The following MOB3B variants were observed in gnomAD, a reference collection of about 807,000 sequenced individuals.
The protein encoded by MOB3B is MOB kinase activator 3B.
MOB3B carries 7 observed loss-of-function variants against 18.7 expected under a neutral mutation model. That is an observed-to-expected ratio of 0.37 (90% CI 0.21 to 0.70). The LOEUF (loss-of-function observed/expected upper bound fraction) is 0.70, where lower values mean the gene tolerates loss of function less well. Among genes scored for constraint, MOB3B ranks in the 30% least tolerant of loss-of-function variants. The pLI is 0.52. For missense variants in MOB3B, 253 were observed against 281.3 expected, an observed-to-expected ratio of 0.90 and a Z score of 0.72; for synonymous variants, 111 against 99.9, an observed-to-expected ratio of 1.11 and a Z score of -0.66.
chr9:27,437,409 T>C (rs1268058626), intron 2 of MOB3B, among the ~76,000 whole-genome samples: 1 of 152,192 alleles, frequency 6.6e-6, no homozygotes, highest in African/African-American at 2.4e-5. Flanking sequence ...TTCGTCCTTT[T>C]TGGTAATTTT....
chr9:27,508,660 T>C (rs1201740771), intron 1 of MOB3B, among the ~76,000 whole-genome samples: 1 of 152,140 alleles, frequency 6.6e-6, no homozygotes, highest in African/African-American at 2.4e-5. Flanking sequence ...ATACCCCTAA[T>C]AAATGCAAGT....
In MOB3B at chr9:27,408,459, C is replaced by T. The variant is rs138686386; in HGVS notation, c.418+46674G>A. Among the ~76,000 whole-genome samples, 931 of 152,300 alleles carry T rather than the reference C, an allele frequency of 6.1e-3. 3 individuals carry two copies. The highest frequency in any genetic ancestry group is 9.5e-3 in the Non-Finnish European group (646 of 68,026). On this transcript the variant is annotated intron_variant, in intron 2 of 3. Transcript: ENST00000262244. ...CCAACATGTGAGCAAAGGGGGAAAT[C>T]CATAACTTTGACTTCCTTCAGTTGG...
At chr9:27,427,174 T>G (rs1822346599) in intron 2 of MOB3B, among the ~76,000 whole-genome samples, 1 of 152,176 alleles carries the variant, frequency 6.6e-6, no homozygotes, top group Non-Finnish European at 1.5e-5. Flanking sequence ...CCTAAAGCAG[T>G]GCTAGTTCCA....
intron 1 of MOB3B, among the ~76,000 whole-genome samples, chr9:27,528,328 G>C (rs1014990354): frequency 2.6e-4 from 40 of 152,238 alleles, no homozygotes; most frequent in Admixed American, 2.6e-3. Context: ...CCTTTGGCTA[G>C]AGATTGAAAT....
chr9:27,361,276 A>G (rs528220708), intron 2 of MOB3B, among the ~76,000 whole-genome samples: 1 of 152,322 alleles, frequency 6.6e-6, no homozygotes, highest in East Asian at 1.9e-4. Context: ...GCCTGACTCT[A>G]AAATCCAAAA....
intron 1 of MOB3B, among the ~76,000 whole-genome samples, chr9:27,508,876 C>G (rs1050268036): frequency 6.6e-6 from 1 of 152,114 alleles, no homozygotes; most frequent in Non-Finnish European, 1.5e-5. Flanking sequence ...TAGAATAGAA[C>G]CAAGGTCTCC....
In MOB3B at chr9:27,325,685, G is replaced by C; in HGVS notation, c.*4902C>G. The C allele has an allele frequency of 6.6e-6, 1 of 152,164 alleles. No homozygotes were observed. The highest frequency in any genetic ancestry group is 6.5e-5 in the Admixed American group (1 of 15,278). The allele number at this position is 152,164 out of a possible 1,614,324, so 9.4% of individuals were successfully genotyped here. ...ATTTCTTCAAGGTCCAAAATGATCA[G>C]AACAAGAATGACAACAGTGTCAACC... is the stretch of plus-strand genomic sequence containing the variant. On this transcript the variant is annotated 3_prime_UTR_variant, in exon 4 of 4. Transcript: ENST00000262244.
At chr9:27,491,208 G>A (rs921926678) in intron 1 of MOB3B, among the ~76,000 whole-genome samples, 14 of 152,146 alleles carry the variant, frequency 9.2e-5, no homozygotes, top group African/African-American at 3.1e-4. Context: ...TTCATTTGAA[G>A]CTATCACTGT....
At chr9:27,478,288 G>T (rs1291786449) in intron 1 of MOB3B, among the ~76,000 whole-genome samples, 5 of 152,110 alleles carry the variant, frequency 3.3e-5, no homozygotes, top group Admixed American at 2.0e-4. Context: ...AAAGAATGAA[G>T]CCAGTCAGAA....
intron 1 of MOB3B, among the ~76,000 whole-genome samples, chr9:27,527,442 T>G (rs1012098171): frequency 6.6e-6 from 1 of 152,244 alleles, no homozygotes; most frequent in African/African-American, 2.4e-5. Flanking sequence ...GAAAGTGCTC[T>G]ATGTGTCGCA....
intron 2 of MOB3B, among the ~76,000 whole-genome samples, chr9:27,444,242 A>AAGGAAGGAAGGAAGGAAGGAAGGAG (rs1822650198): frequency 1.4e-5 from 1 of 73,402 alleles, no homozygotes; most frequent in Admixed American, 1.4e-4. Context: ...GAGGGAGGGA[A>AAGGAAGGAAGGAAGGAAGGAAGGAG]GGAAGGAAGG....
In MOB3B at chr9:27,455,263, A is replaced by G. The variant is rs200822050; in HGVS notation, c.288T>C (p.Tyr96=). 3.1e-6 allele frequency: 5 copies of G among 1,614,076 alleles called. No individual in the cohort carries two copies. The Admixed American group carries it at 6.7e-5, about 22-fold the overall frequency. Residue 96 remains tyrosine (Y), a synonymous_variant, in exon 2 of 4, where the codon TAT becomes TAC. Coordinates refer to ENST00000262244, the MANE Select transcript of MOB3B (RefSeq NM_024761.5). The part of the protein sequence containing the change: ...TCPVMSGGPK[Y]EYRWQDDLKY... Reference sequence around the variant, plus strand: ...TGAGATCATCCTGCCACCGATACTCATATTTGGGGCCCCCTGACATCACAG... The same window carrying G: ...TGAGATCATCCTGCCACCGATACTCGTATTTGGGGCCCCCTGACATCACAG...
intron 1 of MOB3B, among the ~76,000 whole-genome samples, chr9:27,479,173 AG>A (rs1402020605): frequency 1.3e-5 from 2 of 152,226 alleles, no homozygotes; most frequent in Non-Finnish European, 2.9e-5. Flanking sequence ...GGGAAGTCCA[AG>A]AGCAAGGCAC....
intron 1 of MOB3B, among the ~76,000 whole-genome samples, chr9:27,488,832 C>T (rs1355625193): frequency 2.0e-5 from 3 of 152,212 alleles, no homozygotes; most frequent in Non-Finnish European, 4.4e-5. Flanking sequence ...GAAAGTGCAG[C>T]TTACATAACG....
intron 1 of MOB3B, among the ~76,000 whole-genome samples, chr9:27,520,789 G>A (rs994638221): frequency 2.6e-5 from 4 of 152,208 alleles, no homozygotes; most frequent in South Asian, 2.1e-4. Flanking sequence ...GGGATGTCAC[G>A]TCTGAGCTCT....
At chr9:27,337,653 A>G (rs1820883440) in intron 3 of MOB3B, among the ~76,000 whole-genome samples, 1 of 152,250 alleles carries the variant, frequency 6.6e-6, no homozygotes, top group African/African-American at 2.4e-5. Flanking sequence ...ATGAGCTGGC[A>G]TCAGCAAGGG....
chr9:27,366,778 A>T (rs1277252140), intron 2 of MOB3B, among the ~76,000 whole-genome samples: 1 of 152,144 alleles, frequency 6.6e-6, no homozygotes. Flanking sequence ...GTCTCTGGGG[A>T]TACTGGAGAA....
chr9:27,442,531 A>G (rs1338692808), intron 2 of MOB3B, among the ~76,000 whole-genome samples: 1 of 152,068 alleles, frequency 6.6e-6, no homozygotes, highest in East Asian at 1.9e-4. Context: ...TTGGCAGGAG[A>G]CTGGAGGAGG....
At chr9:27,387,419 G>T (rs1033109299) in intron 2 of MOB3B, among the ~76,000 whole-genome samples, 1 of 152,282 alleles carries the variant, frequency 6.6e-6, no homozygotes, top group Admixed American at 6.5e-5. Context: ...CCCTGTGTAA[G>T]CTTGGGTAGG....
Sources: allele counts gnomAD v4.1 joint callset (sites outside exome capture counted in the v4.1 genomes callset), GRCh38; gene constraint gnomAD v4.1.1; transcripts MANE v1.5; gene names NCBI Gene and HGNC (gene_info 2026-07-23, HGNC 2026-07-21).